The following ARMC8 variants were observed in gnomAD, a reference collection of about 807,000 sequenced individuals.
The protein encoded by ARMC8 is armadillo repeat-containing protein 8.
In ARMC8, 20 loss-of-function variants were observed where a neutral mutation model predicts 99.3. The observed-to-expected ratio is 0.20, with a 90% CI of 0.14 to 0.29. ARMC8 has a LOEUF of 0.29. Among genes scored for constraint, ARMC8 ranks in the 10% least tolerant of loss-of-function variants. The probability of loss-of-function intolerance (pLI) is 1.00; values close to 1 mark genes in which losing one functional copy is unlikely to be tolerated. For missense variants in ARMC8, 569 were observed against 809.5 expected, an observed-to-expected ratio of 0.70 and a Z score of 3.60; for synonymous variants, 263 against 278.3, an observed-to-expected ratio of 0.95 and a Z score of 0.55.
At chr3:138,190,197 G>C (rs1171309294) in intron 1 of ARMC8, among the ~76,000 whole-genome samples, 1 of 151,536 alleles carries the variant, frequency 6.6e-6, no homozygotes, top group African/African-American at 2.4e-5. Context: ...GCCGCTCCTC[G>C]GTTTCTTTTC....
intron 10 of ARMC8, 98 bp downstream of exon 10, chr3:138,239,626 T>A: frequency 4.1e-6 from 3 of 726,806 alleles, no homozygotes; most frequent in Non-Finnish European, 6.8e-6. Context: ...TTTATCATTA[T>A]GATATATGTG....
intron 1 of ARMC8, among the ~76,000 whole-genome samples, chr3:138,193,723 T>C (rs1290350007): frequency 6.6e-6 from 1 of 152,242 alleles, no homozygotes; most frequent in Non-Finnish European, 1.5e-5. Context: ...AAATGGATCA[T>C]AGATTTTATC....
intron 2 of ARMC8, among the ~76,000 whole-genome samples, chr3:138,212,308 CTTTT>C (rs898136861): frequency 3.0e-5 from 4 of 131,702 alleles, no homozygotes; most frequent in Admixed American, 7.8e-5. Flanking sequence ...TTTAAGTAAT[CTTTT>C]TTTTTTTTTT....
At chr3:138,288,438 C>A (rs2050628618) in intron 19 of ARMC8, among the ~76,000 whole-genome samples, 1 of 152,164 alleles carries the variant, frequency 6.6e-6, no homozygotes, top group African/African-American at 2.4e-5. Context: ...AAACTGTACC[C>A]ATAGCCCTAG....
chr3:138,205,916 A>G (rs2108010742), intron 1 of ARMC8, among the ~76,000 whole-genome samples: 1 of 152,392 alleles, frequency 6.6e-6, no homozygotes, highest in South Asian at 2.1e-4. Flanking sequence ...TACTAGTGCT[A>G]TCCAATGGAA....
chr3:138,291,423 T>C (rs1560060480), intron 21 of ARMC8, among the ~76,000 whole-genome samples: 2 of 152,348 alleles, frequency 1.3e-5, no homozygotes, highest in East Asian at 3.9e-4. Flanking sequence ...TCTCCTCTCC[T>C]CTGAGTCCCC....
rs1456840327 is a variant in ARMC8, at chr3:138,201,477, T to TTTC, written c.46-8340_46-8339insTTC. Among the ~76,000 whole-genome samples, 2 of 101,926 alleles carry TTTC rather than the reference T, an allele frequency of 2.0e-5. 1 individual carries two copies. Among genetic ancestry groups the TTTC allele is most frequent in the African/African-American group, 8.0e-5 (2 of 25,090 alleles). The allele number at this position is 101,926 out of a possible 152,430, so 66.9% of individuals were successfully genotyped here. ...TTTTTTTTTTTTTTTTTTTTTTTTTTCCTGAGACAGAGTCTTGCTCTGTCT... is the reference window on the plus strand; with the variant it reads ...TTTTTTTTTTTTTTTTTTTTTTTTTTTTCCCTGAGACAGAGTCTTGCTCTGTCT... On this transcript the variant is annotated intron_variant, in intron 1 of 21. Coordinates refer to ENST00000469044, the MANE Select transcript of ARMC8 (RefSeq NM_001363941.2).
intron 5 of ARMC8, 111 bp from the exon 6 acceptor site, chr3:138,228,807 T>G: frequency 1.5e-6 from 1 of 664,080 alleles, no homozygotes; most frequent in South Asian, 1.5e-5. Context: ...GAGACTTGAT[T>G]GACTGTCATT....
intron 12 of ARMC8, among the ~76,000 whole-genome samples, chr3:138,260,933 A>G (rs1347626071): frequency 1.3e-5 from 2 of 152,336 alleles, no homozygotes; most frequent in South Asian, 2.1e-4. Flanking sequence ...CTCCCAAGTT[A>G]TCACTTCTCA....
intron 6 of ARMC8, among the ~76,000 whole-genome samples, chr3:138,231,945 T>C (rs2046058975): frequency 6.7e-6 from 1 of 149,230 alleles, no homozygotes; most frequent in Non-Finnish European, 1.5e-5. Context: ...AGCCACTAAT[T>C]CTTTCCTTGC....
At chr3:138,203,265 C>G (rs1455816750) in intron 1 of ARMC8, among the ~76,000 whole-genome samples, 2 of 152,182 alleles carry the variant, frequency 1.3e-5, no homozygotes, top group East Asian at 3.8e-4. Flanking sequence ...ATTCAAAGGC[C>G]TATAAGTTAC....
chr3:138,221,588 C>T (rs1173398067), intron 2 of ARMC8, among the ~76,000 whole-genome samples: 1 of 151,756 alleles, frequency 6.6e-6, no homozygotes, highest in Non-Finnish European at 1.5e-5. Context: ...TGTTGTTGTT[C>T]GTTTAACTCA....
chr3:138,205,230 G>A (rs967147694), intron 1 of ARMC8, among the ~76,000 whole-genome samples: 1 of 151,442 alleles, frequency 6.6e-6, no homozygotes, highest in Non-Finnish European at 1.5e-5. Flanking sequence ...CACCATGCCC[G>A]GCTAGAGACA....
chr3:138,239,392 A>G, intron 9 of ARMC8, 76 bp from the exon 10 acceptor site: 2 of 1,156,454 alleles, frequency 1.7e-6, no homozygotes, highest in Admixed American at 2.3e-5. Context: ...TTTTAATAAA[A>G]TCTTAAAGGC....
At chr3:138,257,409 G>A (rs990121934) in intron 12 of ARMC8, among the ~76,000 whole-genome samples, 2 of 152,120 alleles carry the variant, frequency 1.3e-5, no homozygotes, top group Admixed American at 6.5e-5. Flanking sequence ...TCCTGTGGTC[G>A]TCTTATAAAA....
intron 12 of ARMC8, among the ~76,000 whole-genome samples, chr3:138,260,650 A>G (rs1225130039): frequency 9.2e-5 from 14 of 152,200 alleles, no homozygotes; most frequent in Admixed American, 8.5e-4. Context: ...TTTGTGACCT[A>G]TGGCTATACT....
At chr3:138,187,818 G>A (rs2043152139) in intron 1 of ARMC8, 1 of 568,610 alleles carries the variant, frequency 1.8e-6, no homozygotes, top group Non-Finnish European at 3.1e-6. Flanking sequence ...AGCTCCCGCC[G>A]GTGCGGGTTC....
At position 138,279,083 on chromosome 3, in the gene ARMC8, GT is replaced by G. The variant is rs1009759485; in HGVS notation, c.1725+4543del. ...TAATGAGATGAGGATGAACATATTT[GT>G]TTTGTTCCCAATATTAGAGAAAAGC... On this transcript the variant is annotated intron_variant, in intron 18 of 21. Transcript: ENST00000469044. Among the ~76,000 whole-genome samples, 24 of 152,140 alleles carry G rather than the reference GT, an allele frequency of 1.6e-4. 2 individuals are homozygous for G.
intron 2 of ARMC8, among the ~76,000 whole-genome samples, chr3:138,216,880 TA>T (rs1195690440): frequency 3.9e-5 from 6 of 152,178 alleles, no homozygotes; most frequent in African/African-American, 1.4e-4. Context: ...TCAAAATAAA[TA>T]GATATATAGT....
Sources: allele counts gnomAD v4.1 joint callset (sites outside exome capture counted in the v4.1 genomes callset), GRCh38; gene constraint gnomAD v4.1.1; transcripts MANE v1.5; gene names NCBI Gene and HGNC (gene_info 2026-07-23, HGNC 2026-07-21).